Variants in PEMT observed in about 807,000 individuals in gnomAD.
PEMT encodes the protein phospholipid methyltransferase.
A neutral mutation model predicts 27.4 loss-of-function variants in PEMT; 23 were observed. The observed-to-expected ratio is 0.84, with a 90% CI of 0.60 to 1.19. The LOEUF is 1.19. Ranked by LOEUF, PEMT falls within the 50% of genes most tolerant of loss-of-function variation. The probability of loss-of-function intolerance (pLI) is 0.00; values close to 1 mark genes in which losing one functional copy is unlikely to be tolerated. For synonymous variants in PEMT, 137 were observed against 139.1 expected, an observed-to-expected ratio of 0.98 and a Z score of 0.11; for missense variants, 307 against 310.1, an observed-to-expected ratio of 0.99 and a Z score of 0.07.
intron 2 of PEMT, among the ~76,000 whole-genome samples, chr17:17,560,484 G>T (rs1014255400): frequency 6.6e-6 from 1 of 152,206 alleles, no homozygotes; most frequent in African/African-American, 2.4e-5. Flanking sequence ...AGGGTAGGCA[G>T]CTAACCTATC....
At chr17:17,572,211 AGCT>A (rs1411480332) in intron 2 of PEMT, among the ~76,000 whole-genome samples, 1 of 152,232 alleles carries the variant, frequency 6.6e-6, no homozygotes, top group African/African-American at 2.4e-5. Context: ...ACTGTGGTCA[AGCT>A]GCCATCTGGG....
chr17:17,550,550 G>T (rs1909584345), intron 2 of PEMT, among the ~76,000 whole-genome samples: 1 of 152,178 alleles, frequency 6.6e-6, no homozygotes, highest in Non-Finnish European at 1.5e-5. Flanking sequence ...AACCAAACAA[G>T]AACAGAAGTG....
At chr17:17,506,408 G>T (rs181485219) in intron 5 of PEMT, 107 bp from the exon 6 acceptor site, 1 of 763,672 alleles carries the variant, frequency 1.3e-6, no homozygotes, top group Non-Finnish European at 2.1e-6. Flanking sequence ...CCCTCCGGCC[G>T]ACGCTGGGCC....
At chr17:17,553,640 C>T (rs1430844370) in intron 2 of PEMT, among the ~76,000 whole-genome samples, 1 of 152,232 alleles carries the variant, frequency 6.6e-6, no homozygotes, top group Admixed American at 6.5e-5. Context: ...ACCCAGCACC[C>T]CCTGCTCAGT....
chr17:17,582,894 T>C lies in PEMT; in HGVS notation c.97-5867A>G, dbSNP rs1210982323. The stretch of plus-strand genomic sequence containing the variant: ...CTGGCCAATATGGTGAAACCCCGTT[T>C]CTACTAAAAATACAAAAATTAGCTG... On this transcript the variant is annotated intron_variant, in intron 1 of 6. Transcript: ENST00000255389. This position sits in a 1 kb window ranked among gnomAD's most constrained non-coding sequence, Gnocchi z 4.9. Among the ~76,000 whole-genome samples the C allele has an allele frequency of 6.6e-6, 1 of 151,968 alleles. No individual in the cohort carries two copies. The highest frequency in any genetic ancestry group is 1.5e-5 in the Non-Finnish European group (1 of 67,998).
At chr17:17,572,864 A>G (rs920669032) in intron 2 of PEMT, among the ~76,000 whole-genome samples, 1 of 152,216 alleles carries the variant, frequency 6.6e-6, no homozygotes, top group African/African-American at 2.4e-5. Context: ...TCCCGCCACC[A>G]CCAGCCAGCC....
intron 1 of PEMT, chr17:17,577,278 G>T: frequency 2.1e-6 from 1 of 482,788 alleles, no homozygotes; most frequent in Non-Finnish European, 3.7e-6. Flanking sequence ...CAGCACCTCT[G>T]AAGAGGGGTG....
At chr17:17,526,615 C>T (rs1303764874) in intron 2 of PEMT, among the ~76,000 whole-genome samples, 3 of 152,206 alleles carry the variant, frequency 2.0e-5, no homozygotes, top group Non-Finnish European at 4.4e-5. Flanking sequence ...ATGGGAACGG[C>T]CTCTGCCCAT....
chr17:17,582,356 G>A lies in PEMT; in HGVS notation c.97-5329C>T, dbSNP rs934623469. The stretch of plus-strand genomic sequence containing the variant: ...CTCAGCTGTTAACACCCCAAAGCAT[G>A]GGTAAGGAAGAGGCTTTATGGTAAT... On this transcript the variant is annotated intron_variant, in intron 1 of 6. Transcript: ENST00000255389. The surrounding 1 kb of genome is among the most constrained non-coding windows in gnomAD (Gnocchi z 4.9). The A allele has an allele frequency of 1.0e-6, 1 of 985,442 alleles. No homozygotes were observed. The highest frequency in any genetic ancestry group is 1.2e-6 in the Non-Finnish European group (1 of 829,912). 61.0% of individuals were successfully genotyped at this position (985,442 alleles called of 1,614,324 possible).
intron 5 of PEMT, 110 bp downstream of exon 5, chr17:17,509,324 G>T (rs1024399113): frequency 4.3e-6 from 3 of 705,328 alleles, no homozygotes; most frequent in East Asian, 2.6e-5. Context: ...CAAATGACAC[G>T]TTCTTCCTTT....
intron 2 of PEMT, among the ~76,000 whole-genome samples, chr17:17,531,681 A>G (rs1041908676): frequency 1.3e-5 from 2 of 150,652 alleles, no homozygotes; most frequent in East Asian, 3.9e-4. Context: ...AAATATAAAA[A>G]TGAATTCAAG....
intron 5 of PEMT, 77 bp from the exon 6 acceptor site, chr17:17,506,378 C>T: frequency 2.5e-6 from 3 of 1,181,122 alleles, no homozygotes; most frequent in Non-Finnish European, 2.4e-6. Flanking sequence ...CCAGGCTGGC[C>T]CTTCCTGCCG....
intron 2 of PEMT, among the ~76,000 whole-genome samples, chr17:17,550,591 T>C (rs1909588498): frequency 6.6e-6 from 1 of 152,242 alleles, no homozygotes; most frequent in African/African-American, 2.4e-5. Context: ...GATCCCATCA[T>C]TTATTGTCAT....
intron 2 of PEMT, among the ~76,000 whole-genome samples, chr17:17,549,793 G>A (rs1006092908): frequency 6.6e-6 from 1 of 152,224 alleles, no homozygotes; most frequent in African/African-American, 2.4e-5. Flanking sequence ...GGCAAAAGCA[G>A]TGCTTTTCAG....
At chr17:17,587,610 C>T (rs1912383290) in intron 1 of PEMT, among the ~76,000 whole-genome samples, 2 of 152,176 alleles carry the variant, frequency 1.3e-5, no homozygotes, top group South Asian at 4.1e-4. Context: ...CGCCTGTAAT[C>T]CCAGCATTTT....
At position 17,506,209 on chromosome 17, in the gene PEMT, G is replaced by T. The variant is rs768622016; in HGVS notation, c.653+18C>A. The T allele has an allele frequency of 2.0e-6, 3 of 1,536,988 alleles. No individual in the cohort carries two copies. Among genetic ancestry groups the T allele is most frequent in the African/African-American group, 2.7e-5 (2 of 73,026 alleles). On this transcript the variant is annotated intron_variant, in intron 6 of 6. Coordinates refer to ENST00000255389, the MANE Select transcript of PEMT (RefSeq NM_148172.3). ...CAGTCGGGCAGCCACGCCCCCACCCGCCGCAGCCCCTACTCACTCTTCGTA... is the reference window on the plus strand; with the variant it reads ...CAGTCGGGCAGCCACGCCCCCACCCTCCGCAGCCCCTACTCACTCTTCGTA...
rs889926558 is a variant in PEMT, at chr17:17,507,088, C to A, written c.579-787G>T. The A allele has an allele frequency of 5.8e-6, 8 of 1,390,402 alleles. No individual in the cohort carries two copies. The African/African-American group carries it at 1.2e-4, about 20-fold the overall frequency. 86.1% of individuals were successfully genotyped at this position (1,390,402 alleles called of 1,614,324 possible). A position where few individuals can be genotyped will look rare whatever the true frequency, so the allele number is the denominator to read the frequency against. ...CAGCGGCAGCTCGTCAGTGACGGCA[C>A]CAAGGAGCCCGGGCGCAGCTGCTTT... On this transcript the variant is annotated intron_variant, in intron 5 of 6. Coordinates refer to ENST00000255389, the MANE Select transcript of PEMT (RefSeq NM_148172.3).
chr17:17,579,015 G>C (rs897600021), intron 1 of PEMT, among the ~76,000 whole-genome samples: 1 of 152,212 alleles, frequency 6.6e-6, no homozygotes, highest in Non-Finnish European at 1.5e-5. Context: ...ATAATGGTGT[G>C]TTTTGTTCTA....
At chr17:17,575,513 G>A (rs575474410) in intron 2 of PEMT, among the ~76,000 whole-genome samples, 1 of 152,240 alleles carries the variant, frequency 6.6e-6, no homozygotes, top group Non-Finnish European at 1.5e-5. Flanking sequence ...AAAGGAGAGA[G>A]GAAGCATGCA....
Sources: gnomAD v4.1 joint callset for allele counts (sites outside exome capture counted in the v4.1 genomes callset) on GRCh38, gnomAD v4.1.1 for gene constraint, Gnocchi (gnomAD v3.1) non-coding constraint, MANE v1.5 for transcripts, NCBI Gene and HGNC (gene_info 2026-07-23, HGNC 2026-07-21) for gene names.